Variants in IQCK observed in about 807,000 individuals in gnomAD.
IQCK encodes IQ domain-containing protein K.
IQCK carries 29 observed loss-of-function variants against 28.1 expected under a neutral mutation model. That is an observed-to-expected ratio of 1.03 (90% CI 0.77 to 1.41). The LOEUF (loss-of-function observed/expected upper bound fraction) is 1.41, where lower values mean the gene tolerates loss of function less well. IQCK is among the 40% of genes most tolerant of loss of function. IQCK has a pLI of 0.00. For missense variants in IQCK, 359 were observed against 314.7 expected (o/e 1.14, Z -1.07); for synonymous variants, 113 against 115.1 (o/e 0.98, Z 0.12).
At chr16:19,747,960 G>A (rs1459389149) in intron 4 of IQCK, among the ~76,000 whole-genome samples, 6 of 151,996 alleles carry the variant, frequency 3.9e-5, no homozygotes, top group African/African-American at 1.5e-4. Context: ...TATGGACCGG[G>A]TCACAGATGG....
intron 4 of IQCK, among the ~76,000 whole-genome samples, chr16:19,747,183 C>T (rs532290022): frequency 5.1e-4 from 77 of 152,292 alleles, no homozygotes; most frequent in African/African-American, 1.8e-3. Flanking sequence ...CTAGATTTAG[C>T]TGGGAGTTTC....
chr16:19,798,310 T>C (rs778525446), intron 7 of IQCK, among the ~76,000 whole-genome samples: 1 of 106,958 alleles, frequency 9.3e-6, no homozygotes. Flanking sequence ...CCCAGCTACT[T>C]GGGAGGCTGA....
At chr16:19,747,385 T>C (rs927032632) in intron 4 of IQCK, among the ~76,000 whole-genome samples, 8 of 152,146 alleles carry the variant, frequency 5.3e-5, no homozygotes, top group Non-Finnish European at 1.0e-4. Flanking sequence ...CGTCAAGGCC[T>C]CTTGAGCCTG....
chr16:19,775,971 T>A (rs2055388543), intron 6 of IQCK, among the ~76,000 whole-genome samples: 2 of 129,568 alleles, frequency 1.5e-5, no homozygotes, highest in Non-Finnish European at 1.6e-5. Flanking sequence ...AATCTCTGCC[T>A]CCCCATTTCA....
downstream of IQCK, among the ~76,000 whole-genome samples, chr16:19,828,052 A>G (rs1429526083): frequency 6.6e-6 from 1 of 151,272 alleles, no homozygotes; most frequent in African/African-American, 2.4e-5. Context: ...AGCTGGGATT[A>G]CAGGCTTGCT....
intron 7 of IQCK, among the ~76,000 whole-genome samples, chr16:19,809,821 A>G (rs1271084328): frequency 2.0e-5 from 3 of 152,114 alleles, no homozygotes; most frequent in Non-Finnish European, 4.4e-5. Flanking sequence ...AGTCAGTAGG[A>G]GTGGAGTGGG....
chr16:19,759,608 T>G (rs114245109), intron 4 of IQCK, among the ~76,000 whole-genome samples: 1 of 152,274 alleles, frequency 6.6e-6, no homozygotes, highest in East Asian at 1.9e-4. Context: ...AAGATAGACA[T>G]GGCAGACTCA....
intron 9 of IQCK, among the ~76,000 whole-genome samples, chr16:19,837,062 TATTA>T (rs921078396): frequency 2.0e-5 from 3 of 152,320 alleles, no homozygotes; most frequent in African/African-American, 7.2e-5. Flanking sequence ...TGATAATTAT[TATTA>T]ATTAAGCAAA....
chr16:19,762,293 G>A (rs1046668219), intron 4 of IQCK, among the ~76,000 whole-genome samples: 1 of 152,222 alleles, frequency 6.6e-6, no homozygotes, highest in African/African-American at 2.4e-5. Flanking sequence ...GGCGGCACCT[G>A]TGTGCGGGGT....
At chr16:19,745,588 C>T (rs1435752995) in intron 4 of IQCK, among the ~76,000 whole-genome samples, 2 of 152,190 alleles carry the variant, frequency 1.3e-5, no homozygotes, top group Non-Finnish European at 2.9e-5. Flanking sequence ...GTGCTTCTTG[C>T]TATCCTGAAA....
chr16:19,851,883 C>T (rs530145310), intron 9 of IQCK, among the ~76,000 whole-genome samples: 13 of 152,280 alleles, frequency 8.5e-5, no homozygotes, highest in South Asian at 6.2e-4. Context: ...TTCCTCCCTC[C>T]GCTGATCAAG....
chr16:19,728,756 G>T (rs1306817810), intron 1 of IQCK, among the ~76,000 whole-genome samples: 1 of 152,104 alleles, frequency 6.6e-6, no homozygotes, highest in African/African-American at 2.4e-5. Context: ...GTGCTAATTT[G>T]TTACACAATA....
At chr16:19,806,470 G>A (rs2055835191) in intron 7 of IQCK, among the ~76,000 whole-genome samples, 2 of 152,002 alleles carry the variant, frequency 1.3e-5, no homozygotes, top group African/African-American at 4.8e-5. Flanking sequence ...CAAATCACTT[G>A]AGTACAGGAG....
At chr16:19,764,560 G>A (rs1165587766) in intron 6 of IQCK, among the ~76,000 whole-genome samples, 1 of 152,020 alleles carries the variant, frequency 6.6e-6, no homozygotes, top group African/African-American at 2.4e-5. Flanking sequence ...TCTAATATGG[G>A]TGTCCTCCCC....
At position 19,803,118 on chromosome 16, in the gene IQCK, TTTTTG is replaced by T. The variant is rs1165554460; in HGVS notation, c.690+14215_690+14219del. Among the ~76,000 whole-genome samples the T allele has an allele frequency of 8.5e-5, 13 of 152,112 alleles. 1 individual carries two copies. Among genetic ancestry groups the T allele is most frequent in the South Asian group, 6.2e-4 (3 of 4,802 alleles). On this transcript the variant is annotated intron_variant, in intron 7 of 7. Coordinates refer to ENST00000564186, the Ensembl canonical transcript of IQCK. Reference sequence around the variant, plus strand: ...AGAGATAGGTTTGCTATTGTTGGCTTTTTTGTTTTGTTTTGTTTTGTTTGTTTGTT... The same window carrying T: ...AGAGATAGGTTTGCTATTGTTGGCTTTTTTGTTTTGTTTTGTTTGTTTGTT...
intron 6 of IQCK, among the ~76,000 whole-genome samples, chr16:19,783,538 T>C (rs963269272): frequency 1.4e-5 from 2 of 146,952 alleles, no homozygotes; most frequent in African/African-American, 4.9e-5. Context: ...TCCCTGGTGA[T>C]GAGCAGTCGC....
At chr16:19,743,172 A>G (rs967651370) in intron 4 of IQCK, among the ~76,000 whole-genome samples, 1 of 152,022 alleles carries the variant, frequency 6.6e-6, no homozygotes, top group African/African-American at 2.4e-5. Context: ...TTCTGTCTCA[A>G]ATAAATAAAT....
At chr16:19,784,226 T>G (rs1342135888) in intron 6 of IQCK, among the ~76,000 whole-genome samples, 1 of 152,092 alleles carries the variant, frequency 6.6e-6, no homozygotes, top group Non-Finnish European at 1.5e-5. Context: ...TTTTTTTTCT[T>G]CGAAGCAAAT....
At chr16:19,718,587 G>A (rs1484307201) in intron 1 of IQCK, 100 bp downstream of exon 1, 7 of 1,123,074 alleles carry the variant, frequency 6.2e-6, no homozygotes, top group African/African-American at 3.3e-5. Context: ...TGACGGGCGG[G>A]GCCGCCGGGC....
Sources: allele counts gnomAD v4.1 joint callset (sites outside exome capture counted in the v4.1 genomes callset), GRCh38; gene constraint gnomAD v4.1.1; transcripts MANE v1.5; gene names NCBI Gene and HGNC (gene_info 2026-07-23, HGNC 2026-07-21).